The following ADK variants were observed in gnomAD, a reference collection of about 807,000 sequenced individuals.
The protein encoded by ADK is adenosine kinase.
ADK carries 24 observed loss-of-function variants against 44.7 expected under a neutral mutation model. The observed-to-expected ratio is 0.54, with a 90% CI of 0.39 to 0.76. The LOEUF is 0.76. ADK is among the 30% of genes least tolerant of loss of function. The pLI is 0.00. For synonymous variants in ADK, 128 were observed against 142.6 expected, an observed-to-expected ratio of 0.90 and a Z score of 0.73; for missense variants, 321 against 425.1, an observed-to-expected ratio of 0.76 and a Z score of 2.15.
chr10:74,420,938 G>A (rs1201537974), intron 6 of ADK, among the ~76,000 whole-genome samples: 1 of 152,122 alleles, frequency 6.6e-6, no homozygotes, highest in African/African-American at 2.4e-5. Flanking sequence ...TTTTTAGGGC[G>A]ATGTACTGTT....
intron 2 of ADK, among the ~76,000 whole-genome samples, chr10:74,211,702 T>C (rs1843817766): frequency 6.6e-6 from 1 of 152,236 alleles, no homozygotes; most frequent in Non-Finnish European, 1.5e-5. Context: ...CATTTGGCTT[T>C]GATCATTTGA....
At chr10:74,220,755 C>T (rs909609389) in intron 2 of ADK, among the ~76,000 whole-genome samples, 1 of 152,050 alleles carries the variant, frequency 6.6e-6, no homozygotes, top group African/African-American at 2.4e-5. Context: ...ATAAACAGAA[C>T]CAAAAACAAA....
At chr10:74,335,773 T>G (rs527765829) in intron 4 of ADK, among the ~76,000 whole-genome samples, 69 of 152,336 alleles carry the variant, frequency 4.5e-4, no homozygotes, top group African/African-American at 1.6e-3. Flanking sequence ...TCTACTTCCC[T>G]AATTATGTGA....
At chr10:74,654,077 C>A (rs1026949200) in intron 9 of ADK, among the ~76,000 whole-genome samples, 1 of 152,144 alleles carries the variant, frequency 6.6e-6, no homozygotes, top group African/African-American at 2.4e-5. Context: ...CCATTGCCAC[C>A]ATCAACAATT....
chr10:74,336,033 A>AGAGGT (rs1841398924), intron 4 of ADK, among the ~76,000 whole-genome samples: 1 of 152,162 alleles, frequency 6.6e-6, no homozygotes, highest in Non-Finnish European at 1.5e-5. Flanking sequence ...AAATTTATGT[A>AGAGGT]CTTTTAAAAT....
At chr10:74,224,004 G>A (rs184305992) in intron 2 of ADK, among the ~76,000 whole-genome samples, 38 of 152,230 alleles carry the variant, frequency 2.5e-4, no homozygotes, top group African/African-American at 9.1e-4. Flanking sequence ...CAGGAGAATC[G>A]CTTGAACAGG....
chr10:74,215,617 G>A (rs1046677550), intron 2 of ADK, among the ~76,000 whole-genome samples: 3 of 151,058 alleles, frequency 2.0e-5, no homozygotes, highest in South Asian at 2.1e-4. Context: ...GAGCCACTGC[G>A]CCCAGCTAAT....
chr10:74,151,394 A>AG, intron 1 of ADK, 51 bp downstream of exon 1: 1 of 1,541,102 alleles, frequency 6.5e-7, no homozygotes. Context: ...CAAGCAAGCC[A>AG]GGGCCCACGT....
At chr10:74,369,380 C>T (rs1352306300) in intron 4 of ADK, among the ~76,000 whole-genome samples, 2 of 152,090 alleles carry the variant, frequency 1.3e-5, no homozygotes, top group African/African-American at 4.8e-5. Context: ...CTTTATCTAA[C>T]AAATATGAGT....
intron 7 of ADK, 106 bp from the exon 8 acceptor site, chr10:74,589,176 T>A: frequency 1.0e-6 from 1 of 963,908 alleles, no homozygotes; most frequent in Non-Finnish European, 1.6e-6. Flanking sequence ...GTGGGTATAT[T>A]GAGATAATTG....
intron 7 of ADK, among the ~76,000 whole-genome samples, chr10:74,583,852 C>G (rs1350884520): frequency 1.3e-5 from 2 of 152,160 alleles, no homozygotes; most frequent in Non-Finnish European, 2.9e-5. Context: ...TTGTAGTCAT[C>G]TTGCTGCTCA....
chr10:74,579,215 CAG>C (rs1851296531), intron 7 of ADK, among the ~76,000 whole-genome samples: 1 of 146,064 alleles, frequency 6.8e-6, no homozygotes, highest in African/African-American at 2.6e-5. Flanking sequence ...GCCTGGGCAA[CAG>C]AGTGAGACCC....
At chr10:74,626,544 C>G (rs1003623516) in intron 9 of ADK, among the ~76,000 whole-genome samples, 5 of 152,104 alleles carry the variant, frequency 3.3e-5, no homozygotes, top group African/African-American at 1.2e-4. Context: ...CTCAAGTGAT[C>G]CACCTGCCTC....
At chr10:74,472,064 G>T (rs901104389) in intron 6 of ADK, among the ~76,000 whole-genome samples, 1 of 151,974 alleles carries the variant, frequency 6.6e-6, no homozygotes, top group Admixed American at 6.6e-5. Flanking sequence ...ACTGTGTTGG[G>T]CCTGGTGGTA....
chr10:74,302,823 C>T (rs1332165083), intron 3 of ADK, among the ~76,000 whole-genome samples: 2 of 148,322 alleles, frequency 1.3e-5, no homozygotes, highest in Non-Finnish European at 3.0e-5. Flanking sequence ...TTATATTCCA[C>T]ATTTTACTGA....
chr10:74,569,224 C>T (rs968099396), intron 7 of ADK, among the ~76,000 whole-genome samples: 28 of 152,230 alleles, frequency 1.8e-4, no homozygotes, highest in African/African-American at 5.8e-4. Context: ...GTGAATAGTG[C>T]CGCAATAAAC....
At chr10:74,319,908 G>A (rs114572023) in intron 4 of ADK, among the ~76,000 whole-genome samples, 2,020 of 151,988 alleles carry the variant, frequency 0.013, 46 homozygotes, top group African/African-American at 0.046. Context: ...CATTGATTAC[G>A]TCTTTATATA....
At position 74,430,976 on chromosome 10, in the gene ADK, G is replaced by A. The variant is rs1014857854; in HGVS notation, c.555+32397G>A. On this transcript the variant is annotated intron_variant, in intron 6 of 10. Coordinates refer to ENST00000539909, the MANE Select transcript of ADK (RefSeq NM_006721.4). ...GGTTGGGCAAGTGTTGAAGCATGGG[G>A]AACTATTAAGAGGCTGCCCATCGGA... 2.1e-5 allele frequency among the ~76,000 whole-genome samples: 3 copies of A among 143,176 alleles called. No homozygotes were observed. The Admixed American group carries it at 2.3e-4, about 11-fold the overall frequency. The allele number at this position is 143,176 out of a possible 152,430, so 93.9% of individuals were successfully genotyped here. A position where few individuals can be genotyped will look rare whatever the true frequency, so the allele number is the denominator to read the frequency against.
At chr10:74,572,061 T>G (rs564393125) in intron 7 of ADK, among the ~76,000 whole-genome samples, 15 of 152,272 alleles carry the variant, frequency 9.9e-5, no homozygotes, top group Non-Finnish European at 2.1e-4. Context: ...GTTAGCTGGT[T>G]ATTTTGCTCG....
Sources: allele counts gnomAD v4.1 joint callset (sites outside exome capture counted in the v4.1 genomes callset), GRCh38; gene constraint gnomAD v4.1.1; transcripts MANE v1.5; gene names NCBI Gene and HGNC (gene_info 2026-07-23, HGNC 2026-07-21).